The following PAH variants were observed in gnomAD, a reference collection of about 807,000 sequenced individuals.
PAH encodes the protein phenylalanine-4-hydroxylase.
PAH carries 64 observed loss-of-function variants against 62.0 expected under a neutral mutation model. The observed-to-expected ratio is 1.03, with a 90% CI of 0.84 to 1.27. PAH has a LOEUF of 1.27. Ranked by LOEUF, PAH falls within the 50% of genes most tolerant of loss-of-function variation. PAH has a pLI of 0.00. For synonymous variants in PAH, 195 were observed against 196.2 expected, an observed-to-expected ratio of 0.99 and a Z score of 0.05; for missense variants, 579 against 542.8, an observed-to-expected ratio of 1.07 and a Z score of -0.66.
chr12:102,853,148 C>T (rs866667158), intron 6 of PAH, 198 bp from the exon 7 acceptor site: 2 of 621,480 alleles, frequency 3.2e-6, no homozygotes, highest in African/African-American at 3.7e-5. Context: ...ATTTCTGAGC[C>T]TCAGTTTCCT....
At chr12:102,934,236 G>A (rs1879016861) in intron 1 of PAH, among the ~76,000 whole-genome samples, 1 of 152,024 alleles carries the variant, frequency 6.6e-6, no homozygotes, top group Non-Finnish European at 1.5e-5. Context: ...GTTCACTGTA[G>A]ATGTATGGAT....
rs772896 is a variant in PAH at position 102,844,015 on chromosome 12, G to A, written c.1066-236C>T. ...ATTCATTCCAATTACTTTCAAGTAA[G>A]GTGGTCAATAGATGACGTGGGAGCC... is the stretch of plus-strand genomic sequence containing the variant. On this transcript the variant is annotated intron_variant, in intron 10 of 12. Transcript: ENST00000553106. Among the ~76,000 whole-genome samples the A allele has an allele frequency of 0.36, 54,473 of 151,894 alleles. 10,480 individuals carry two copies. The highest frequency in any genetic ancestry group is 0.43 in the Non-Finnish European group (29,066 of 67,924).
chr12:102,898,073 T>C (rs1877587264), intron 2 of PAH, among the ~76,000 whole-genome samples: 1 of 152,212 alleles, frequency 6.6e-6, no homozygotes, highest in African/African-American at 2.4e-5. Flanking sequence ...CACAAAGATT[T>C]CAACCTGCAG....
chr12:102,949,121 A>C (rs1879630357), intron 1 of PAH, among the ~76,000 whole-genome samples: 1 of 152,134 alleles, frequency 6.6e-6, no homozygotes, highest in Admixed American at 6.5e-5. Context: ...GTAGAGGAGA[A>C]TCCTATTTCC....
At chr12:102,916,615 AAGG>A (rs1394517478) in intron 1 of PAH, 2 of 198,902 alleles carry the variant, frequency 1.0e-5, no homozygotes, top group East Asian at 2.5e-4. Flanking sequence ...CCCAAAATGA[AAGG>A]AGGATAGTTA....
intron 3 of PAH, among the ~76,000 whole-genome samples, chr12:102,893,263 G>A (rs920906285): frequency 1.3e-4 from 20 of 152,052 alleles, no homozygotes; most frequent in African/African-American, 4.8e-4. Flanking sequence ...AGCCAGGCGT[G>A]GTGGGGCATG....
chr12:102,934,308 T>A (rs758750591), intron 1 of PAH, among the ~76,000 whole-genome samples: 35 of 152,152 alleles, frequency 2.3e-4, no homozygotes, highest in Non-Finnish European at 3.7e-4. Flanking sequence ...GCCAGTACTA[T>A]CCTGTTTTGG....
intron 2 of PAH, among the ~76,000 whole-genome samples, chr12:102,905,356 G>A (rs781373199): frequency 7.9e-5 from 12 of 152,156 alleles, no homozygotes; most frequent in Non-Finnish European, 1.6e-4. Flanking sequence ...AGGTGATGGG[G>A]TGAAGTCACT....
rs565686453 is a variant in PAH at position 102,839,198 on chromosome 12, T to C, written c.1336A>G (p.Ser446Gly). 6.8e-6 allele frequency: 11 copies of C among 1,613,942 alleles called. No individual in the cohort carries two copies. In the East Asian group the frequency reaches 1.6e-4, roughly 23 times the overall value. ...CTTTACTTTATTTTCTGGAGGGCAC[T>C]GCAAAGGATTCCAATTTCACCTACA... The part of the protein sequence containing the change: ...SINSEIGILC[S>G]ALQKIK Residue 446 changes from serine (S) to glycine (G), a missense_variant, in exon 13 of 13, where the codon AGT becomes GGT. By Grantham distance (56) the Ser-to-Gly change is moderately conservative. Coordinates refer to ENST00000553106, the MANE Select transcript of PAH (RefSeq NM_000277.3).
intron 1 of PAH, among the ~76,000 whole-genome samples, chr12:102,929,630 G>C (rs935118429): frequency 1.3e-5 from 2 of 152,142 alleles, no homozygotes; most frequent in African/African-American, 4.8e-5. Context: ...GACCACTCTG[G>C]CTGCAAGGTG....
rs148179413 is a variant in PAH, at chr12:102,931,793, T to A, written c.-95-14568A>T. Among the ~76,000 whole-genome samples the A allele has an allele frequency of 6.6e-3, 998 of 152,246 alleles. 6 individuals carry two copies. Among genetic ancestry groups the A allele is most frequent in the Middle Eastern group, 0.014 (4 of 294 alleles). On this transcript the variant is annotated intron_variant, in intron 1 of 3. Coordinates refer to the PAH transcript ENST00000546844. ...TAACTCCCTCAATACAGAGACTGAG[T>A]CTTTTTTCAATTTTTGCATCCTAGA...
chr12:102,917,036 C>T, intron 1 of PAH, 35 bp downstream of exon 1: 1 of 1,604,476 alleles, frequency 6.2e-7, no homozygotes, highest in Non-Finnish European at 8.5e-7. Flanking sequence ...GGCCCAAATT[C>T]CCCTAACTGA....
rs1592948721 is a variant in PAH, at chr12:102,845,465, C to G, written c.970-1034G>C. ...GAATGTCCCATCATCCATGCTAAAA[C>G]TTGGGGATGTTTCTGAAGTCAACTA... is the stretch of plus-strand genomic sequence containing the variant. On this transcript the variant is annotated intron_variant, in intron 9 of 12. Transcript: ENST00000553106. Among the ~76,000 whole-genome samples the G allele has an allele frequency of 2.0e-5, 3 of 152,250 alleles. No homozygotes were observed. The East Asian group carries it at 5.8e-4, about 29-fold the overall frequency.
intron 11 of PAH, among the ~76,000 whole-genome samples, chr12:102,842,329 G>A (rs1874627087): frequency 1.3e-5 from 2 of 152,146 alleles, no homozygotes; most frequent in Admixed American, 1.3e-4. Flanking sequence ...AGAGCCAGAA[G>A]GACTTGAGAG....
In PAH at chr12:102,866,682, C is replaced by T; in HGVS notation, c.442-19G>A. ...TAAAACCCTAGGAGAAAAGAGACACCTGATTTTTCAAGGCTTCATAGGAAG... is the reference window on the plus strand; with the variant it reads ...TAAAACCCTAGGAGAAAAGAGACACTTGATTTTTCAAGGCTTCATAGGAAG... On this transcript the variant is annotated intron_variant, in intron 4 of 12. Coordinates refer to ENST00000553106, the MANE Select transcript of PAH (RefSeq NM_000277.3). The T allele has an allele frequency of 6.2e-7, 1 of 1,607,868 alleles. No individual in the cohort carries two copies. Among genetic ancestry groups the T allele is most frequent in the Non-Finnish European group, 8.5e-7 (1 of 1,174,494 alleles).
At chr12:102,949,019 C>A (rs972794025) in intron 1 of PAH, among the ~76,000 whole-genome samples, 1 of 151,736 alleles carries the variant, frequency 6.6e-6, no homozygotes, top group African/African-American at 2.4e-5. Flanking sequence ...CTGCAGTTTG[C>A]GAAATAACCG....
chr12:102,885,011 G>A (rs957955089), intron 3 of PAH, among the ~76,000 whole-genome samples: 2 of 152,180 alleles, frequency 1.3e-5, no homozygotes, highest in South Asian at 2.1e-4. Context: ...TTTTGCAGCC[G>A]ATGCACTTCA....
Position 102,837,350 on chromosome 12 carries a change from A to G in PAH, c.*1825T>C, listed in dbSNP as rs1470541456. 1 of 152,256 alleles carries G rather than the reference A, an allele frequency of 6.6e-6. No individual in the cohort carries two copies. Among genetic ancestry groups the G allele is most frequent in the African/African-American group, 2.4e-5 (1 of 41,476 alleles). The allele number at this position is 152,256 out of a possible 1,614,324, so 9.4% of individuals were successfully genotyped here. A position where few individuals can be genotyped will look rare whatever the true frequency, so the allele number is the denominator to read the frequency against. On this transcript the variant is annotated 3_prime_UTR_variant, in exon 13 of 13. Transcript: ENST00000553106. Reference sequence around the variant, plus strand: ...TAAAACTCACTCTTCAATATTGTCAAAAATATTATCTAATATTTAAGTTCC... The same window carrying G: ...TAAAACTCACTCTTCAATATTGTCAGAAATATTATCTAATATTTAAGTTCC...
chr12:102,843,860 C>T (rs1778160484), intron 10 of PAH, 81 bp from the exon 11 acceptor site: 1 of 1,459,342 alleles, frequency 6.9e-7, no homozygotes, highest in Non-Finnish European at 9.5e-7. Context: ...GCCATTTGTG[C>T]CCCTTCTCTC....
Sources: gnomAD v4.1 joint callset for allele counts (sites outside exome capture counted in the v4.1 genomes callset) on GRCh38, gnomAD v4.1.1 for gene constraint, MANE v1.5 for transcripts, NCBI Gene and HGNC (gene_info 2026-07-23, HGNC 2026-07-21) for gene names.